The following RUVBL1 variants were observed in gnomAD, a reference collection of about 807,000 sequenced individuals.
The protein encoded by RUVBL1 is ruvB-like 1.
A neutral mutation model predicts 52.4 loss-of-function variants in RUVBL1; 4 were observed. That is an observed-to-expected ratio of 0.08 (90% CI 0.04 to 0.17). RUVBL1 has a LOEUF of 0.17. Ranked by LOEUF, RUVBL1 falls within the 10% of genes least tolerant of loss-of-function variation. The pLI, the probability that RUVBL1 is intolerant of heterozygous loss-of-function variation, is 1.00. For missense variants in RUVBL1, 298 were observed against 572.8 expected, an observed-to-expected ratio of 0.52 and a Z score of 4.90; for synonymous variants, 217 against 214.4, an observed-to-expected ratio of 1.01 and a Z score of -0.10.
chr3:128,127,851 G>A (rs1198914020), upstream of RUVBL1, among the ~76,000 whole-genome samples: 1 of 152,082 alleles, frequency 6.6e-6, no homozygotes, highest in East Asian at 1.9e-4. Context: ...ACAAAAATTA[G>A]CCAGGCATGG....
chr3:128,093,365 T>C (rs1576450556), intron 8 of RUVBL1, among the ~76,000 whole-genome samples: 1 of 152,136 alleles, frequency 6.6e-6, no homozygotes, highest in Non-Finnish European at 1.5e-5. Context: ...TATTGATGGG[T>C]ATAGTTTCTT....
intron 1 of RUVBL1, among the ~76,000 whole-genome samples, chr3:128,151,558 T>C (rs1944213873): frequency 6.6e-6 from 1 of 152,134 alleles, no homozygotes; most frequent in Admixed American, 6.5e-5. Flanking sequence ...CTTTTACTAC[T>C]AGATTTTTTT....
upstream of RUVBL1, among the ~76,000 whole-genome samples, chr3:128,124,219 C>A (rs1038645754): frequency 1.3e-5 from 2 of 152,062 alleles, no homozygotes; most frequent in Admixed American, 1.3e-4. Flanking sequence ...TTCTGACTCC[C>A]ATACCTTTGC....
intron 9 of RUVBL1, chr3:128,065,318 C>A: frequency 3.4e-6 from 2 of 592,428 alleles, no homozygotes; most frequent in South Asian, 2.1e-5. Context: ...TTTTTAAGTT[C>A]TTAGTTCAAG....
chr3:128,097,599 C>T, intron 7 of RUVBL1, 101 bp from the exon 8 acceptor site: 1 of 984,660 alleles, frequency 1.0e-6, no homozygotes, highest in East Asian at 2.5e-5. Flanking sequence ...ATGCTAGGAG[C>T]CTAGTTTTCC....
chr3:128,065,732 ATTTTTTT>A (rs758640768), intron 9 of RUVBL1, among the ~76,000 whole-genome samples: 1 of 97,528 alleles, frequency 1.0e-5, no homozygotes, highest in Non-Finnish European at 1.9e-5. Context: ...ATCATTAAGA[ATTTTTTT>A]TTTTTTTTTT....
In RUVBL1 at chr3:128,080,992, TAGAGAG is replaced by T. The variant is rs10574960; in HGVS notation, c.*252_*257del. The T allele has an allele frequency of 6.8e-5, 27 of 395,686 alleles. No individual in the cohort carries two copies. Among genetic ancestry groups the T allele is most frequent in the South Asian group, 1.6e-4 (3 of 18,408 alleles). 24.5% of individuals were successfully genotyped at this position (395,686 alleles called of 1,614,324 possible). ...CTGAAAAGTTTATTTTTAAAAAACT[TAGAGAG>T]AGAGAGAGAGAGAATCAAAATAACC... On this transcript the variant is annotated 3_prime_UTR_variant, in exon 11 of 11. Coordinates refer to ENST00000322623, the MANE Select transcript of RUVBL1 (RefSeq NM_003707.3).
chr3:128,123,509 G>A (rs1262892591), intron 1 of RUVBL1, 75 bp downstream of exon 1: 21 of 1,428,776 alleles, frequency 1.5e-5, no homozygotes, highest in East Asian at 5.1e-5. Flanking sequence ...CCCGCCCCGA[G>A]CCACCGACTT....
intron 1 of RUVBL1, among the ~76,000 whole-genome samples, chr3:128,148,609 A>G (rs2107739132): frequency 6.6e-6 from 1 of 152,336 alleles, no homozygotes; most frequent in South Asian, 2.1e-4. Context: ...TGTAACGCCA[A>G]GAGACATAGA....
rs1232347005 is a variant in RUVBL1 at position 128,097,440 on chromosome 3, A to C, written c.876T>G (p.Ala292=). Residue 292 remains alanine, a synonymous_variant, in exon 8 of 11, where the codon GCT becomes GCG. Transcript: ENST00000322623. ...VVNKYIDQGI[A]ELVPGVLFVD... ...CAAACAGCACACCCGGGACCAGCTCAGCAATGCCCTGGTCGATGTACTTGT... is the reference window on the plus strand; with the variant it reads ...CAAACAGCACACCCGGGACCAGCTCCGCAATGCCCTGGTCGATGTACTTGT... The C allele has an allele frequency of 3.1e-5, 50 of 1,613,586 alleles. No homozygotes were observed. Among genetic ancestry groups the C allele is most frequent in the Non-Finnish European group, 3.6e-5 (43 of 1,179,560 alleles).
intron 9 of RUVBL1, chr3:128,071,105 C>A (rs966413495): frequency 1.7e-4 from 26 of 152,360 alleles, no homozygotes; most frequent in African/African-American, 6.0e-4. Context: ...CCGCCACAGC[C>A]CGGCAGAGGG....
intron 9 of RUVBL1, among the ~76,000 whole-genome samples, chr3:128,086,695 A>G (rs907938429): frequency 2.0e-5 from 3 of 152,256 alleles, no homozygotes; most frequent in African/African-American, 7.2e-5. Flanking sequence ...GTAAAAAATA[A>G]AATAGATGGT....
chr3:128,114,749 A>T (rs887473633), intron 2 of RUVBL1, among the ~76,000 whole-genome samples: 1 of 152,188 alleles, frequency 6.6e-6, no homozygotes, highest in African/African-American at 2.4e-5. Flanking sequence ...AAAGGAAAAA[A>T]ATCTCTGGAA....
rs1944284485 is a variant in RUVBL1, at chr3:128,153,351, C to T, written c.-188G>A. ...CACCCACTCGGAGCACGGCGCTCGGCTGTGCCCGTGAGCCTCAGGAGGGCG... is the reference window on the plus strand; with the variant it reads ...CACCCACTCGGAGCACGGCGCTCGGTTGTGCCCGTGAGCCTCAGGAGGGCG... On this transcript the variant is annotated 5_prime_UTR_variant, in exon 1 of 10. Transcript: ENST00000464873. 4.3e-6 allele frequency: 6 copies of T among 1,383,262 alleles called. 1 individual carries two copies. In the South Asian group the frequency reaches 8.2e-5, roughly 19 times the overall value. 85.7% of individuals were successfully genotyped at this position (1,383,262 alleles called of 1,614,324 possible).
Position 128,119,388 on chromosome 3 carries a change from G to A in RUVBL1, c.168C>T (p.Ile56=), listed in dbSNP as rs745932775. 1.9e-6 allele frequency: 3 copies of A among 1,613,958 alleles called. No individual in the cohort carries two copies. Among genetic ancestry groups the A allele is most frequent in the South Asian group, 2.2e-5 (2 of 91,074 alleles). ...CTCTTCCAGCCATTTTCTTGCTTTTGATTAATTCTACTATGACGCCACATG... is the reference window on the plus strand; with the variant it reads ...CTCTTCCAGCCATTTTCTTGCTTTTAATTAATTCTACTATGACGCCACATG... ...REACGVIVEL[I]KSKKMAGRAV... is the part of the protein sequence containing the mutation. Residue 56 remains isoleucine, a synonymous_variant, in exon 2 of 11, where the codon ATC becomes ATT. Transcript: ENST00000322623.
rs1339851097 is a variant in RUVBL1 at position 128,146,339 on chromosome 3, CGT to C, written c.-40+6862_-40+6863del. ...GTCTGTGTGTGTGTGTGCATGTGTG[CGT>C]GTGTCTCTGTGCTTATGCATGGCCC... On this transcript the variant is annotated intron_variant, in intron 1 of 9. Coordinates refer to the RUVBL1 transcript ENST00000464873. Among the ~76,000 whole-genome samples the C allele has an allele frequency of 9.4e-5, 14 of 149,434 alleles. 1 individual carries two copies. In the East Asian group the frequency reaches 1.8e-3, roughly 19 times the overall value.
intron 2 of RUVBL1, among the ~76,000 whole-genome samples, chr3:128,115,374 C>T (rs907302346): frequency 2.6e-5 from 4 of 152,204 alleles, no homozygotes; most frequent in Admixed American, 2.6e-4. Context: ...ATATCTCCTT[C>T]TTCTAAAACC....
exon 10 of RUVBL1, chr3:128,064,803 G>A: frequency 7.4e-7 from 1 of 1,343,922 alleles, no homozygotes; most frequent in Non-Finnish European, 1.0e-6. Flanking sequence ...CTTTTTATTT[G>A]TCTGCTAAGA....
upstream of RUVBL1, among the ~76,000 whole-genome samples, chr3:128,127,609 G>A (rs138215163): frequency 4.0e-4 from 61 of 152,282 alleles, no homozygotes; most frequent in African/African-American, 1.4e-3. Flanking sequence ...GAGGGCTACT[G>A]TGTGTGGCAG....
Sources: allele counts gnomAD v4.1 joint callset (sites outside exome capture counted in the v4.1 genomes callset), GRCh38; gene constraint gnomAD v4.1.1; transcripts MANE v1.5; gene names NCBI Gene and HGNC (gene_info 2026-07-23, HGNC 2026-07-21).